The following SEMA4D variants were observed in gnomAD, a reference collection of about 807,000 sequenced individuals.
The protein encoded by SEMA4D is semaphorin-4D.
SEMA4D carries 22 observed loss-of-function variants against 74.8 expected under a neutral mutation model. The observed-to-expected ratio is 0.29, with a 90% CI of 0.21 to 0.42. SEMA4D has a LOEUF of 0.42. Among genes scored for constraint, SEMA4D ranks in the 10% least tolerant of loss-of-function variants. The pLI is 1.00. For synonymous variants in SEMA4D, 445 were observed against 463.7 expected (o/e 0.96, Z 0.52); for missense variants, 937 against 1,118.4 (o/e 0.84, Z 2.31).
At chr9:89,383,096 C>A (rs1363784417) in intron 13 of SEMA4D, among the ~76,000 whole-genome samples, 1 of 152,204 alleles carries the variant, frequency 6.6e-6, no homozygotes, top group Non-Finnish European at 1.5e-5. Context: ...GAAGGAGGAA[C>A]TGGTCGTCAG....
At chr9:89,376,036 C>T (rs1835743881), downstream of SEMA4D, among the ~76,000 whole-genome samples, 1 of 152,130 alleles carries the variant, frequency 6.6e-6, no homozygotes, top group South Asian at 2.1e-4. Context: ...TCAGGTCTCG[C>T]TATGTTGCTC....
chr9:89,451,320 C>G (rs1368073214), intron 2 of SEMA4D, among the ~76,000 whole-genome samples: 1 of 152,198 alleles, frequency 6.6e-6, no homozygotes. Context: ...ATTTTAGGAG[C>G]TGGAGCCTTC....
At chr9:89,384,470 A>G (rs919064728) in intron 13 of SEMA4D, among the ~76,000 whole-genome samples, 2 of 152,226 alleles carry the variant, frequency 1.3e-5, no homozygotes, top group African/African-American at 2.4e-5. Context: ...GCGGCTGCCC[A>G]GGGCTGGAGG....
At chr9:89,471,767 T>G (rs1205509024) in intron 1 of SEMA4D, among the ~76,000 whole-genome samples, 2 of 145,686 alleles carry the variant, frequency 1.4e-5, no homozygotes, top group African/African-American at 5.1e-5. Flanking sequence ...CCAACTCAGG[T>G]GCATATAGGT....
intron 1 of SEMA4D, among the ~76,000 whole-genome samples, chr9:89,487,745 T>A (rs537096534): frequency 2.6e-5 from 4 of 152,278 alleles, no homozygotes; most frequent in Admixed American, 1.3e-4. Context: ...GAAAATAAAA[T>A]TTTTAAAATC....
chr9:89,369,958 T>C (rs1834286820), intron 16 of SEMA4D, among the ~76,000 whole-genome samples: 1 of 151,524 alleles, frequency 6.6e-6, no homozygotes, highest in Non-Finnish European at 1.5e-5. Context: ...GTATGTGCTT[T>C]GGTGTGTGCA....
In SEMA4D at chr9:89,379,610, G is replaced by A. The variant is rs758548562; in HGVS notation, c.1683C>T (p.Tyr561=). The change falls in exon 16 of 16, where the codon TAC becomes TAT. Residue 561 remains tyrosine, a synonymous_variant. Transcript: ENST00000422704. ...SVCPDKSKGS[Y]RQHFFKHGGT... ...CACCGTGCTTGAAAAAATGCTGCCG[G>A]TAACTTCCTTTACTTTTATCTGGAA... 4 of 1,610,148 alleles carry A rather than the reference G, an allele frequency of 2.5e-6. No homozygotes were observed. Among genetic ancestry groups the A allele is most frequent in the Non-Finnish European group, 2.5e-6 (3 of 1,177,208 alleles).
At chr9:89,450,094 G>T in intron 2 of SEMA4D, 1 of 1,238,264 alleles carries the variant, frequency 8.1e-7, no homozygotes. Context: ...TTATTTAACT[G>T]CATGCCAATA....
intron 2 of SEMA4D, among the ~76,000 whole-genome samples, chr9:89,431,809 T>C (rs7033915): frequency 0.69 from 104,447 of 152,050 alleles, 36,309 homozygotes; most frequent in Middle Eastern, 0.78. Context: ...GATTCTCTCT[T>C]TTGATGGTTT....
intron 2 of SEMA4D, among the ~76,000 whole-genome samples, chr9:89,434,539 T>C (rs1849980589): frequency 6.6e-6 from 1 of 152,232 alleles, no homozygotes; most frequent in South Asian, 2.1e-4. Flanking sequence ...GTGAAAGTTT[T>C]TCTTCCCTCC....
intron 2 of SEMA4D, among the ~76,000 whole-genome samples, chr9:89,446,582 G>A (rs1194552328): frequency 6.6e-6 from 1 of 152,196 alleles, no homozygotes; most frequent in Non-Finnish European, 1.5e-5. Context: ...CCACCAAGGA[G>A]GGCAGAGAGG....
Position 89,446,197 on chromosome 9 carries a change from GCCTCTGTGC to G in SEMA4D, c.-244+9682_-244+9690del, listed in dbSNP as rs898549653. On this transcript the variant is annotated intron_variant, in intron 2 of 15. Coordinates refer to ENST00000422704, the MANE Select transcript of SEMA4D (RefSeq NM_001371194.2). The stretch of plus-strand genomic sequence containing the variant: ...CCACCCCACACCCACCACTACTCTA[GCCTCTGTGC>G]CCTCTGTGCCCGATCTCCCTCTGCT... Among the ~76,000 whole-genome samples the G allele has an allele frequency of 1.6e-4, 24 of 152,142 alleles. No individual in the cohort carries two copies. In the South Asian group the frequency reaches 1.9e-3, roughly 12 times the overall value.
chr9:89,419,872 G>A (rs568888428), intron 2 of SEMA4D, among the ~76,000 whole-genome samples: 9 of 152,148 alleles, frequency 5.9e-5, no homozygotes, highest in Middle Eastern at 3.4e-3. Context: ...AGCCAAGATC[G>A]CGCCATTGCA....
intron 2 of SEMA4D, among the ~76,000 whole-genome samples, chr9:89,409,361 C>T (rs1169136838): frequency 6.6e-6 from 1 of 152,116 alleles, no homozygotes; most frequent in Non-Finnish European, 1.5e-5. Flanking sequence ...TCCGAGCCTA[C>T]AGAATGTACA....
chr9:89,424,450 CCACAA>C (rs1847680201), intron 2 of SEMA4D, among the ~76,000 whole-genome samples: 1 of 152,172 alleles, frequency 6.6e-6, no homozygotes, highest in South Asian at 2.1e-4. Flanking sequence ...AAGCCCACGA[CCACAA>C]CATTAGCTTT....
chr9:89,387,325 T>G (rs891050640), intron 12 of SEMA4D, 61 bp downstream of exon 12: 11 of 1,392,344 alleles, frequency 7.9e-6, no homozygotes, highest in African/African-American at 1.4e-5. Context: ...TTTCCCAGTT[T>G]TCCTACCAGA....
chr9:89,434,569 C>G (rs1259579823), intron 2 of SEMA4D, among the ~76,000 whole-genome samples: 1 of 152,244 alleles, frequency 6.6e-6, no homozygotes, highest in Non-Finnish European at 1.5e-5. Flanking sequence ...GTAGCACCTT[C>G]TCTCCTCTCT....
chr9:89,434,693 C>A (rs376925938), intron 2 of SEMA4D, among the ~76,000 whole-genome samples: 18 of 152,340 alleles, frequency 1.2e-4, no homozygotes, highest in Middle Eastern at 3.4e-3. Context: ...TCTGCAAAAT[C>A]TCTTTACCAT....
intron 2 of SEMA4D, chr9:89,450,247 T>A (rs11265895): frequency 0.2 from 238,147 of 1,165,594 alleles, 27,235 homozygotes; most frequent in Non-Finnish European, 0.24. Flanking sequence ...GATGTTCTCA[T>A]CAGCTCAGGA....
Sources: allele counts gnomAD v4.1 joint callset (sites outside exome capture counted in the v4.1 genomes callset), GRCh38; gene constraint gnomAD v4.1.1; transcripts MANE v1.5; gene names NCBI Gene and HGNC (gene_info 2026-07-23, HGNC 2026-07-21).